FCRL1: variants seen among roughly 807,000 people sequenced by gnomAD.
The protein encoded by FCRL1 is Fc receptor like 1, also known as Fc receptor-like protein 1.
FCRL1 carries 34 observed loss-of-function variants against 49.2 expected under a neutral mutation model. That is an observed-to-expected ratio of 0.69 (90% confidence interval 0.53 to 0.92). FCRL1 has a LOEUF of 0.92. Ranked by LOEUF, FCRL1 falls within the 40% of genes least tolerant of loss-of-function variation. FCRL1 has a pLI of 0.00. For missense variants in FCRL1, 524 were observed against 524.1 expected (o/e 1.00, Z 0.00); for synonymous variants, 218 against 201.6 (o/e 1.08, Z -0.69).
rs755957330 is a variant in FCRL1 at position 157,807,112 on chromosome 1, A to G, written c.42T>C (p.Cys14=). The part of the protein sequence containing the change: ...RLLLLICAPL[C]EPAELFLIAS... The stretch of plus-strand genomic sequence containing the variant: ...GGAAGTGCAACTCACCGGCAGGTTC[A>G]CAGAGTGGAGCTGGGAGAGAATTCA... Residue 14 remains cysteine (C), a synonymous_variant, in exon 2 of 11, where the codon TGT becomes TGC. Transcript: ENST00000368176. 3.1e-6 allele frequency: 5 copies of G among 1,613,716 alleles called. No homozygotes were observed. Among genetic ancestry groups the G allele is most frequent in the Middle Eastern group, 1.6e-4 (1 of 6,084 alleles).
chr1:157,816,727 T>A (rs2101909080), intron 1 of FCRL1, among the ~76,000 whole-genome samples: 1 of 151,778 alleles, frequency 6.6e-6, no homozygotes. Flanking sequence ...ATCTAATAAA[T>A]GATAAAGCTC....
chr1:157,797,774 G>A, intron 9 of FCRL1, 94 bp downstream of exon 9: 1 of 1,605,768 alleles, frequency 6.2e-7, no homozygotes, highest in Non-Finnish European at 8.5e-7. Flanking sequence ...TCTGCTCTGA[G>A]GAATGCTGTT....
At chr1:157,816,495 G>A (rs1328373649) in intron 1 of FCRL1, among the ~76,000 whole-genome samples, 1 of 151,806 alleles carries the variant, frequency 6.6e-6, no homozygotes, top group Non-Finnish European at 1.5e-5. Context: ...CATACTGAAT[G>A]GGGAAAAGTT....
chr1:157,795,103 G>A lies in FCRL1; in HGVS notation c.*996C>T, dbSNP rs1485054265. 1 of 152,162 alleles carries A rather than the reference G, an allele frequency of 6.6e-6. No homozygotes were observed. The highest frequency in any genetic ancestry group is 2.4e-5 in the African/African-American group (1 of 41,438). 9.4% of individuals were successfully genotyped at this position (152,162 alleles called of 1,614,324 possible). A position where few individuals can be genotyped will look rare whatever the true frequency, so the allele number is the denominator to read the frequency against. Reference sequence around the variant, plus strand: ...TCCAAATGTTTATTAATTCATAAGAGTGAGTGCCTGGTTATTTTAAAATTC... The same window carrying A: ...TCCAAATGTTTATTAATTCATAAGAATGAGTGCCTGGTTATTTTAAAATTC... On this transcript the variant is annotated 3_prime_UTR_variant, in exon 11 of 11. Coordinates refer to ENST00000368176, the MANE Select transcript of FCRL1 (RefSeq NM_052938.5).
intron 1 of FCRL1, among the ~76,000 whole-genome samples, chr1:157,812,346 A>G (rs961337249): frequency 1.3e-5 from 2 of 152,084 alleles, no homozygotes; most frequent in African/African-American, 4.8e-5. Flanking sequence ...TCACCATTCC[A>G]GGGTCTTTCC....
chr1:157,819,992 A>G lies in FCRL1; in HGVS notation c.31+15T>C, dbSNP rs748591458. On this transcript the variant is annotated intron_variant, in intron 1 of 10. Coordinates refer to ENST00000368176, the MANE Select transcript of FCRL1 (RefSeq NM_052938.5). ...TGATTGCATCCCATGCCCTGCTCTG[A>G]GTTGCCCAACTCACCACAGATCAAC... 4 of 1,614,014 alleles carry G rather than the reference A, an allele frequency of 2.5e-6. No individual in the cohort carries two copies. In the Admixed American group the frequency reaches 5.0e-5, roughly 20 times the overall value.
Position 157,804,053 on chromosome 1 carries a change from C to T in FCRL1, c.111G>A (p.Thr37=), listed in dbSNP as rs200876738. The change falls in exon 3 of 11, where the codon ACG becomes ACA. Residue 37 remains threonine, a synonymous_variant. Transcript: ENST00000368176. ...AACTCTGTAGAAAGGGCATCTTACA[C>T]GTCAGGGTCACTGGGCTCCCCTCTG... The part of the protein sequence containing the change: ...HPTEGSPVTL[T]CKMPFLQSSD... 37 of 1,614,188 alleles carry T rather than the reference C, an allele frequency of 2.3e-5. No homozygotes were observed. Among genetic ancestry groups the T allele is most frequent in the South Asian group, 3.3e-5 (3 of 91,086 alleles).
At chr1:157,800,163 T>G in intron 6 of FCRL1, 78 bp from the exon 7 acceptor site, 1 of 1,406,014 alleles carries the variant, frequency 7.1e-7, no homozygotes, top group East Asian at 2.3e-5. Context: ...TCATACCCCC[T>G]GCACAGGGAT....
At position 157,802,150 on chromosome 1, in the gene FCRL1, G is replaced by A. The variant is rs1652611492; in HGVS notation, c.651C>T (p.Ala217=). The A allele has an allele frequency of 4.3e-6, 7 of 1,613,996 alleles. No homozygotes were observed. The highest frequency in any genetic ancestry group is 3.3e-5 in the Admixed American group (2 of 60,008). The stretch of plus-strand genomic sequence containing the variant: ...CCAGCACATCCTCCACTGCAGCCTG[G>A]GCCCTGGGAGCCCTGAGCATGAGGA... ...RPILMLRAPR[A]QAAVEDVLEL... Residue 217 remains alanine, a synonymous_variant, in exon 5 of 11, where the codon GCC becomes GCT. Coordinates refer to ENST00000368176, the MANE Select transcript of FCRL1 (RefSeq NM_052938.5).
At chr1:157,797,391 A>G (rs1651685882) in intron 9 of FCRL1, among the ~76,000 whole-genome samples, 1 of 152,176 alleles carries the variant, frequency 6.6e-6, no homozygotes, top group Non-Finnish European at 1.5e-5. Flanking sequence ...TTCTGGGCTC[A>G]CCATGTGTAG....
Position 157,796,004 on chromosome 1 carries a change from A to G in FCRL1, c.*95T>C. ...GGAGAATGGCATCCAGAAGAGGTATACTGGAAAGCTAATGCCCCAGGATCT... is the reference window on the plus strand; with the variant it reads ...GGAGAATGGCATCCAGAAGAGGTATGCTGGAAAGCTAATGCCCCAGGATCT... On this transcript the variant is annotated 3_prime_UTR_variant, in exon 11 of 11. Transcript: ENST00000368176. The G allele has an allele frequency of 2.0e-6, 2 of 1,006,832 alleles. No homozygotes were observed. The highest frequency in any genetic ancestry group is 3.2e-6 in the Non-Finnish European group (2 of 632,172). 62.4% of individuals were successfully genotyped at this position (1,006,832 alleles called of 1,614,324 possible).
At chr1:157,804,199 C>G in intron 2 of FCRL1, 88 bp from the exon 3 acceptor site, 4 of 1,512,690 alleles carry the variant, frequency 2.6e-6, no homozygotes, top group Non-Finnish European at 3.6e-6. Flanking sequence ...GCCAACAAGA[C>G]TCAAAGAAAC....
At chr1:157,815,145 A>G (rs956856452) in intron 1 of FCRL1, among the ~76,000 whole-genome samples, 15 of 151,978 alleles carry the variant, frequency 9.9e-5, no homozygotes, top group African/African-American at 3.6e-4. Context: ...CAATATCTGC[A>G]GAATTCACAT....
intron 1 of FCRL1, among the ~76,000 whole-genome samples, chr1:157,817,205 G>T (rs190329773): frequency 1.3e-4 from 20 of 151,810 alleles, no homozygotes; most frequent in African/African-American, 4.6e-4. Flanking sequence ...AGAAAACCCT[G>T]AATAGCCCAA....
chr1:157,805,214 T>A (rs931329934), intron 2 of FCRL1, among the ~76,000 whole-genome samples: 1 of 152,072 alleles, frequency 6.6e-6, no homozygotes, highest in Non-Finnish European at 1.5e-5. Flanking sequence ...TCTCCTCGTC[T>A]CCCCAACTTG....
intron 1 of FCRL1, 53 bp downstream of exon 1, chr1:157,819,954 C>A: frequency 6.2e-7 from 1 of 1,610,274 alleles, no homozygotes; most frequent in Admixed American, 1.7e-5. Context: ...CTTCAGGAAG[C>A]AGAGCCCAAG....
rs750283495 is a variant in FCRL1 at position 157,802,448 on chromosome 1, T to C, written c.536A>G (p.Glu179Gly). 3.0e-5 allele frequency: 48 copies of C among 1,614,036 alleles called. No homozygotes were observed. The highest frequency in any genetic ancestry group is 5.0e-5 in the Admixed American group (3 of 60,000). Residue 179 changes from glutamate (E) to glycine (G), a missense_variant, in exon 4 of 11, where the codon GAG (glutamate) becomes GGG (glycine). Glu to Gly is a moderately conservative substitution (Grantham distance 98). Coordinates refer to ENST00000368176, the MANE Select transcript of FCRL1 (RefSeq NM_052938.5). ...ATTTTCAGCTACACAGTAATATTGC[T>C]CAGCATCACTCTCCCTCACTGAAGG... ...EIPSVRESDAEQYYCVAENGY... is the reference protein window; with the variant it reads ...EIPSVRESDAGQYYCVAENGY...
intron 1 of FCRL1, among the ~76,000 whole-genome samples, chr1:157,810,294 TTTTTTC>T (rs916755576): frequency 2.3e-4 from 11 of 48,302 alleles, no homozygotes; most frequent in East Asian, 2.3e-3. Flanking sequence ...TTTCTTTTTC[TTTTTTC>T]TTTTTTTTTT....
In FCRL1 at chr1:157,819,903, A is replaced by G. The variant is rs546868042; in HGVS notation, c.31+104T>C. The G allele has an allele frequency of 8.7e-6, 12 of 1,376,236 alleles. No homozygotes were observed. The South Asian group carries it at 1.1e-4, about 12-fold the overall frequency. 85.3% of individuals were successfully genotyped at this position (1,376,236 alleles called of 1,614,324 possible). Reference sequence around the variant, plus strand: ...AGTGGAGATCTGAGCACCCCTGAGCATTACCTGACAGAACCTTAGTCCTAA... The same window carrying G: ...AGTGGAGATCTGAGCACCCCTGAGCGTTACCTGACAGAACCTTAGTCCTAA... On this transcript the variant is annotated intron_variant, in intron 1 of 10. Coordinates refer to ENST00000368176, the MANE Select transcript of FCRL1 (RefSeq NM_052938.5).
Sources: gnomAD v4.1 joint callset for allele counts (sites outside exome capture counted in the v4.1 genomes callset) on GRCh38, gnomAD v4.1.1 for gene constraint, MANE v1.5 for transcripts, NCBI Gene and HGNC (gene_info 2026-07-23, HGNC 2026-07-21) for gene names.